Variants in POU6F2 observed in about 807,000 individuals in gnomAD.
POU6F2 encodes the protein POU class 6 homeobox 2.
Under a neutral mutation model 71.3 loss-of-function variants are expected in POU6F2, and 31 were observed. That is an observed-to-expected ratio of 0.43 (90% CI 0.33 to 0.59). The LOEUF (loss-of-function observed/expected upper bound fraction) is 0.59. Among genes scored for constraint, POU6F2 ranks in the 20% least tolerant of loss-of-function variants. The probability of loss-of-function intolerance (pLI) is 0.04; values close to 1 mark genes in which losing one functional copy is unlikely to be tolerated. For missense variants in POU6F2, 783 were observed against 856.8 expected (o/e 0.91, Z 1.07); for synonymous variants, 347 against 355.7 (o/e 0.98, Z 0.27).
At chr7:39,253,131 G>A (rs554508940) in intron 4 of POU6F2, among the ~76,000 whole-genome samples, 2 of 152,170 alleles carry the variant, frequency 1.3e-5, no homozygotes, top group Non-Finnish European at 2.9e-5. Flanking sequence ...CCACGCAGAG[G>A]CAGAAATATT....
intron 2 of POU6F2, among the ~76,000 whole-genome samples, chr7:39,171,006 T>A (rs1247063234): frequency 6.7e-6 from 1 of 149,764 alleles, no homozygotes; most frequent in African/African-American, 2.4e-5. Flanking sequence ...TAAATGTAGT[T>A]CACATATATC....
chr7:39,256,829 A>G (rs1328850889), intron 4 of POU6F2, among the ~76,000 whole-genome samples: 2 of 152,160 alleles, frequency 1.3e-5, no homozygotes, highest in African/African-American at 4.8e-5. Flanking sequence ...TGAAAAAGGC[A>G]AGGAAACAGA....
intron 4 of POU6F2, among the ~76,000 whole-genome samples, chr7:39,277,189 C>G (rs972890415): frequency 6.6e-6 from 1 of 152,200 alleles, no homozygotes; most frequent in African/African-American, 2.4e-5. Context: ...AGGAAGTTCT[C>G]TGGCTCTTAA....
intron 6 of POU6F2, among the ~76,000 whole-genome samples, chr7:39,416,093 TACACAC>T (rs57579748): frequency 0.2 from 28,089 of 139,150 alleles, 2,681 homozygotes; most frequent in East Asian, 0.26. Flanking sequence ...CTCGAAGGCA[TACACAC>T]ACACACACAC....
intron 4 of POU6F2, among the ~76,000 whole-genome samples, chr7:39,235,214 G>A (rs1263394195): frequency 6.6e-6 from 1 of 151,944 alleles, no homozygotes; most frequent in Non-Finnish European, 1.5e-5. Flanking sequence ...GCCTGCCTTT[G>A]CCTGACCCAG....
At chr7:39,263,786 A>G (rs1206206260) in intron 4 of POU6F2, among the ~76,000 whole-genome samples, 2 of 152,140 alleles carry the variant, frequency 1.3e-5, no homozygotes, top group Non-Finnish European at 2.9e-5. Context: ...CCCAGCCCCT[A>G]TCACCATGGT....
chr7:39,210,097 G>C lies in POU6F2; in HGVS notation c.598+2477G>C, dbSNP rs76275721. Among the ~76,000 whole-genome samples, 597 of 152,210 alleles carry C rather than the reference G, an allele frequency of 3.9e-3. 12 individuals carry two copies. The East Asian group carries it at 0.054, about 14-fold the overall frequency. ...GTATTTATCAACCCAAGGCTTTTCA[G>C]AGTCTTTAAAAACAACTCTTAAGTC... On this transcript the variant is annotated intron_variant, in intron 4 of 9. Transcript: ENST00000518318.
chr7:39,085,930 G>A lies in POU6F2; in HGVS notation c.176G>A (p.Arg59Lys). 6.2e-7 allele frequency: 1 copy of A among 1,613,622 alleles called. No individual in the cohort carries two copies. Among genetic ancestry groups the A allele is most frequent in the Non-Finnish European group, 8.5e-7 (1 of 1,179,778 alleles). The change falls in exon 2 of 10, where the codon AGA (arginine) becomes AAA (lysine). Residue 59 changes from arginine (R) to lysine (K), a missense_variant. This residue lies in a region of POU6F2 where 572 missense variants were observed against 572.9 expected (regional missense o/e 1.00). Coordinates refer to ENST00000518318, the MANE Select transcript of POU6F2 (RefSeq NM_001370959.1). ...CGGAGTGAAATGAATGCGGAGTTGA[G>A]AGGTGAGGACAAGGCTGCTACTTCA... ...SVRSEMNAEL[R>K]GEDKAATSDS...
chr7:39,252,216 C>T (rs556159731), intron 4 of POU6F2, among the ~76,000 whole-genome samples: 1 of 152,140 alleles, frequency 6.6e-6, no homozygotes, highest in South Asian at 2.1e-4. Flanking sequence ...TCATCACTGG[C>T]GTCTGGCCTG....
chr7:39,298,373 AAAG>A (rs1358488328), intron 4 of POU6F2, among the ~76,000 whole-genome samples: 1 of 152,236 alleles, frequency 6.6e-6, no homozygotes, highest in African/African-American at 2.4e-5. Flanking sequence ...ACACTTCTCA[AAAG>A]AAGACATTTA....
chr7:39,173,788 CTG>C (rs1157745256), intron 2 of POU6F2, among the ~76,000 whole-genome samples: 1 of 152,218 alleles, frequency 6.6e-6, no homozygotes, highest in African/African-American at 2.4e-5. Context: ...TCCTCCTGGC[CTG>C]TCAGACAATA....
At chr7:39,040,780 A>G (rs1283230470) in intron 1 of POU6F2, among the ~76,000 whole-genome samples, 1 of 151,946 alleles carries the variant, frequency 6.6e-6, no homozygotes. Flanking sequence ...CAAATATTCA[A>G]GTATGTAAAT....
At chr7:39,341,946 G>C (rs1257365867) in intron 5 of POU6F2, among the ~76,000 whole-genome samples, 1 of 152,158 alleles carries the variant, frequency 6.6e-6, no homozygotes, top group Admixed American at 6.5e-5. Context: ...GGAAATCCCA[G>C]GGCTGTTTGT....
intron 1 of POU6F2, among the ~76,000 whole-genome samples, chr7:39,030,543 TACACACACATAC>T (rs1789918724): frequency 1.5e-4 from 13 of 87,970 alleles, no homozygotes; most frequent in East Asian, 7.0e-4. Context: ...TATATATATA[TACACACACATAC>T]ATATATTCCA....
chr7:39,272,135 C>G (rs912261433), intron 4 of POU6F2, among the ~76,000 whole-genome samples: 1 of 152,026 alleles, frequency 6.6e-6, no homozygotes, highest in Non-Finnish European at 1.5e-5. Context: ...CAGAAATAAC[C>G]CAGGATCATA....
chr7:39,140,141 A>G (rs1176491214), intron 2 of POU6F2, among the ~76,000 whole-genome samples: 1 of 152,144 alleles, frequency 6.6e-6, no homozygotes, highest in African/African-American at 2.4e-5. Context: ...AGAGCTCTTT[A>G]TTAATCCTGC....
At chr7:39,348,567 C>T (rs149544829) in intron 5 of POU6F2, among the ~76,000 whole-genome samples, 2 of 152,290 alleles carry the variant, frequency 1.3e-5, no homozygotes, top group Non-Finnish European at 2.9e-5. Flanking sequence ...TCACTAACAA[C>T]GGCTGAATTG....
rs997832004 is a variant in POU6F2, at chr7:39,044,429, C to A, written c.106-41431C>A. ...GTAAAGATTCTTTCTGGAGCTTACC[C>A]ATTCCATTTTTGACAATAAAATGTT... On this transcript the variant is annotated intron_variant, in intron 1 of 9. Coordinates refer to ENST00000518318, the MANE Select transcript of POU6F2 (RefSeq NM_001370959.1). 9.2e-5 allele frequency among the ~76,000 whole-genome samples: 14 copies of A among 152,028 alleles called. No individual in the cohort carries two copies. The South Asian group carries it at 1.7e-3, about 18-fold the overall frequency.
intron 2 of POU6F2, among the ~76,000 whole-genome samples, chr7:39,126,676 G>C (rs1334336906): frequency 6.6e-6 from 1 of 152,172 alleles, no homozygotes. Context: ...GTATATTGAT[G>C]ATTCAGATCT....
Sources: gnomAD v4.1 joint callset for allele counts (sites outside exome capture counted in the v4.1 genomes callset) on GRCh38, gnomAD v4.1.1 for gene constraint, gnomAD v4.1.1 regional missense constraint, MANE v1.5 for transcripts, NCBI Gene and HGNC (gene_info 2026-07-23, HGNC 2026-07-21) for gene names.